The following UGT1A10 variants were observed in gnomAD, a reference collection of about 807,000 sequenced individuals.
UGT1A10 encodes the protein UDP glucuronosyltransferase family 1 member A10.
A neutral mutation model predicts 45.8 loss-of-function variants in UGT1A10; 49 were observed. The observed-to-expected ratio is 1.07, with a 90% confidence interval of 0.85 to 1.36. UGT1A10 has a LOEUF of 1.36. UGT1A10 is among the 40% of genes most tolerant of loss of function. The probability of loss-of-function intolerance (pLI) is 0.00; values close to 1 mark genes in which losing one functional copy is unlikely to be tolerated. For missense variants in UGT1A10, 745 were observed against 668.6 expected (o/e 1.11, Z -1.26); for synonymous variants, 284 against 249.7 (o/e 1.14, Z -1.29).
chr2:233,693,647 A>G (rs1447180794), intron 1 of UGT1A10: 1 of 1,614,068 alleles, frequency 6.2e-7, no homozygotes, highest in African/African-American at 1.3e-5. Flanking sequence ...CTTCCTTGTT[A>G]ATTTGTTGGA....
chr2:233,729,174 G>A, intron 1 of UGT1A10: 1 of 1,613,808 alleles, frequency 6.2e-7, no homozygotes, highest in Non-Finnish European at 8.5e-7. Flanking sequence ...CCACAGGACT[G>A]CTGCTTCTCC....
At chr2:233,657,109 G>A (rs143025039) in intron 1 of UGT1A10, among the ~76,000 whole-genome samples, 95 of 152,170 alleles carry the variant, frequency 6.2e-4, no homozygotes, top group African/African-American at 1.9e-3. Flanking sequence ...ACAATACACC[G>A]TCTCTTTGGC....
chr2:233,670,952 T>C (rs2125499860), intron 1 of UGT1A10, among the ~76,000 whole-genome samples: 1 of 152,336 alleles, frequency 6.6e-6, no homozygotes, highest in African/African-American at 2.4e-5. Flanking sequence ...ATTGATCTTT[T>C]CCCTTTAAGG....
chr2:233,747,956 T>G, intron 1 of UGT1A10: 1 of 1,613,440 alleles, frequency 6.2e-7, no homozygotes, highest in African/African-American at 1.3e-5. Flanking sequence ...TGGTGGATCT[T>G]CTCAGCCATG....
At chr2:233,666,847 T>C (rs1231480698) in intron 1 of UGT1A10, among the ~76,000 whole-genome samples, 1 of 141,390 alleles carries the variant, frequency 7.1e-6, no homozygotes, top group Non-Finnish European at 1.5e-5. Context: ...CACCTTCCTG[T>C]GTCCATGTGT....
chr2:233,743,649 C>T (rs754713764), intron 1 of UGT1A10: 21 of 1,367,286 alleles, frequency 1.5e-5, no homozygotes, highest in Non-Finnish European at 1.9e-5. Context: ...AAGCTGAAGA[C>T]GTACTCGAAG....
chr2:233,686,700 C>T (rs1293372575), intron 1 of UGT1A10, among the ~76,000 whole-genome samples: 1 of 152,166 alleles, frequency 6.6e-6, no homozygotes, highest in Admixed American at 6.5e-5. Flanking sequence ...GCCCTCTGGC[C>T]TGCACCCTCC....
At chr2:233,742,045 T>C (rs1691854275) in intron 1 of UGT1A10, 1 of 151,932 alleles carries the variant, frequency 6.6e-6, no homozygotes, top group South Asian at 2.1e-4. Context: ...AGCATAGCAA[T>C]AGGATAGTTC....
chr2:233,682,509 C>G, intron 1 of UGT1A10: 8 of 1,613,890 alleles, frequency 5.0e-6, no homozygotes, highest in Non-Finnish European at 6.8e-6. Context: ...TCCTATGTCC[C>G]CAGACTTCTC....
intron 1 of UGT1A10, among the ~76,000 whole-genome samples, chr2:233,677,223 T>C (rs959002389): frequency 5.3e-5 from 8 of 152,218 alleles, no homozygotes; most frequent in African/African-American, 1.9e-4. Flanking sequence ...TAGTTTTCAA[T>C]GTACAGTCTT....
intron 1 of UGT1A10, among the ~76,000 whole-genome samples, chr2:233,757,560 A>ATATATATATATATATATATATATG (rs904896556): frequency 5.7e-5 from 7 of 123,150 alleles, no homozygotes; most frequent in African/African-American, 2.4e-4. Context: ...ATATATATAT[A>ATATATATATATATATATATATATG]TGTATATATG....
chr2:233,663,056 C>T (rs754900783), intron 1 of UGT1A10, among the ~76,000 whole-genome samples: 4 of 152,238 alleles, frequency 2.6e-5, no homozygotes, highest in African/African-American at 7.2e-5. Context: ...CATTGCTGTG[C>T]AACCAACACC....
At chr2:233,716,567 A>G (rs181280282) in intron 1 of UGT1A10, among the ~76,000 whole-genome samples, 81 of 152,206 alleles carry the variant, frequency 5.3e-4, no homozygotes, top group Admixed American at 1.1e-3. Context: ...TTCATTTTTT[A>G]AAAACAATAC....
At chr2:233,743,637 G>A (rs375962177) in intron 1 of UGT1A10, 6 of 1,367,294 alleles carry the variant, frequency 4.4e-6, no homozygotes, top group East Asian at 9.1e-5. Context: ...GCTGGGTCGC[G>A]GAAGCTGAAG....
chr2:233,681,300 G>A (rs2074517649), intron 1 of UGT1A10, among the ~76,000 whole-genome samples: 2 of 151,944 alleles, frequency 1.3e-5, no homozygotes, highest in Non-Finnish European at 2.9e-5. Context: ...TTGGGAGGCC[G>A]AGATGGGCAG....
At chr2:233,754,520 T>C in intron 1 of UGT1A10, 1 of 365,678 alleles carries the variant, frequency 2.7e-6, no homozygotes, top group East Asian at 7.3e-5. Flanking sequence ...CAGATGTGCT[T>C]AAAGGCAAAT....
At chr2:233,672,490 C>A in intron 1 of UGT1A10, 3 of 1,613,940 alleles carry the variant, frequency 1.9e-6, no homozygotes, top group Non-Finnish European at 2.5e-6. Context: ...GTGCCCTGCT[C>A]CTCTTTCCTA....
At chr2:233,719,052 A>T (rs200903552) in intron 1 of UGT1A10, 1 of 1,614,270 alleles carries the variant, frequency 6.2e-7, no homozygotes, top group Non-Finnish European at 8.5e-7. Flanking sequence ...TTTCACCCTG[A>T]CAGCCTATGC....
intron 1 of UGT1A10, among the ~76,000 whole-genome samples, chr2:233,738,023 C>T (rs1271674048): frequency 2.6e-5 from 4 of 151,816 alleles, no homozygotes. Context: ...AATTGTAATC[C>T]CCATAATCCC....
Sources: allele counts gnomAD v4.1 joint callset (sites outside exome capture counted in the v4.1 genomes callset), GRCh38; gene constraint gnomAD v4.1.1; transcripts MANE v1.5; gene names NCBI Gene and HGNC (gene_info 2026-07-23, HGNC 2026-07-21).